The following KIF18A variants were observed in gnomAD, a reference collection of about 807,000 sequenced individuals.
KIF18A encodes kinesin family member 18A.
KIF18A carries 67 observed loss-of-function variants against 103.3 expected under a neutral mutation model. That is an observed-to-expected ratio of 0.65 (90% CI 0.53 to 0.79). The LOEUF (loss-of-function observed/expected upper bound fraction) is 0.79. Ranked by LOEUF, KIF18A falls within the 30% of genes least tolerant of loss-of-function variation. The pLI is 0.00. For missense variants in KIF18A, 1,032 were observed against 1,062.5 expected, an observed-to-expected ratio of 0.97 and a Z score of 0.40; for synonymous variants, 367 against 355.5, an observed-to-expected ratio of 1.03 and a Z score of -0.36.
At chr11:28,027,913 C>T (rs1405380897) in intron 15 of KIF18A, among the ~76,000 whole-genome samples, 1 of 151,874 alleles carries the variant, frequency 6.6e-6, no homozygotes, top group African/African-American at 2.4e-5. Flanking sequence ...AACTCCAGGC[C>T]AATATCCCTG....
At chr11:28,093,324 T>C (rs1256539453) in intron 3 of KIF18A, among the ~76,000 whole-genome samples, 1 of 152,278 alleles carries the variant, frequency 6.6e-6, no homozygotes, top group East Asian at 1.9e-4. Context: ...TAAGTTCTAA[T>C]GAAGAAATTT....
rs149816361 is a variant in KIF18A, at chr11:28,042,488, C to A, written c.1949-5824G>T. On this transcript the variant is annotated intron_variant, in intron 13 of 16. Transcript: ENST00000263181. ...TATTTTGTTAGTATAGCATTCAGTT[C>A]TTTAAAAAGGAGCCAATGCATTTTG... Among the ~76,000 whole-genome samples, 615 of 151,976 alleles carry A rather than the reference C, an allele frequency of 4.0e-3. 3 individuals carry two copies. Among genetic ancestry groups the A allele is most frequent in the Admixed American group, 6.5e-3 (99 of 15,204 alleles).
intron 4 of KIF18A, 59 bp downstream of exon 4, chr11:28,091,350 A>C: frequency 2.2e-6 from 2 of 892,450 alleles, no homozygotes; most frequent in Non-Finnish European, 3.6e-6. Flanking sequence ...TGGCTGGTGA[A>C]AATAGCTTAA....
intron 13 of KIF18A, among the ~76,000 whole-genome samples, chr11:28,056,450 G>A (rs554269942): frequency 6.6e-6 from 1 of 152,116 alleles, no homozygotes; most frequent in East Asian, 1.9e-4. Flanking sequence ...AAAGAGTAAA[G>A]GGCATAGACA....
rs768372525 is a variant in KIF18A at position 28,083,266 on chromosome 11, ATTG to A, written c.1075-26_1075-24del. 11 of 1,545,414 alleles carry A rather than the reference ATTG, an allele frequency of 7.1e-6. No homozygotes were observed. The African/African-American group carries it at 1.6e-4, about 22-fold the overall frequency. On this transcript the variant is annotated intron_variant, in intron 7 of 16. Transcript: ENST00000263181. ...CAACTGTTGAAAGATAGAAATTATG[ATTG>A]TTTATAGAGAGATAATAATCACAGA...
chr11:28,099,810 G>T (rs983886579), intron 1 of KIF18A, among the ~76,000 whole-genome samples: 1 of 152,130 alleles, frequency 6.6e-6, no homozygotes, highest in Non-Finnish European at 1.5e-5. Flanking sequence ...GCCATTAAAA[G>T]AACTTTGGCT....
At chr11:28,081,688 C>T (rs1447857220) in intron 9 of KIF18A, among the ~76,000 whole-genome samples, 1 of 152,140 alleles carries the variant, frequency 6.6e-6, no homozygotes, top group Non-Finnish European at 1.5e-5. Context: ...ACCCAGTCTG[C>T]AGCTCATGGA....
chr11:28,100,285 AAGAAAATAAAGGCTGTCCTC>A (rs140162136), intron 1 of KIF18A, among the ~76,000 whole-genome samples: 130 of 152,220 alleles, frequency 8.5e-4, no homozygotes, highest in African/African-American at 2.9e-3. Flanking sequence ...TTAAGAAAAT[AAGAAAATAAAGGCTGTCCTC>A]AGTCTTAATG....
At chr11:28,075,594 T>C (rs573903614) in intron 10 of KIF18A, among the ~76,000 whole-genome samples, 18 of 152,316 alleles carry the variant, frequency 1.2e-4, no homozygotes, top group African/African-American at 3.8e-4. Context: ...GATTCCTTTA[T>C]CTTTGTTCAT....
chr11:28,078,538 A>C (rs768281980), intron 9 of KIF18A, among the ~76,000 whole-genome samples: 11 of 152,154 alleles, frequency 7.2e-5, no homozygotes, highest in Non-Finnish European at 1.3e-4. Flanking sequence ...CTCCTTAACA[A>C]CACCAAAAAA....
At chr11:28,022,897 GA>G (rs936559853) in intron 16 of KIF18A, among the ~76,000 whole-genome samples, 2 of 152,078 alleles carry the variant, frequency 1.3e-5, no homozygotes, top group African/African-American at 2.4e-5. Flanking sequence ...GGCATCGACA[GA>G]AAAAAACTAA....
intron 10 of KIF18A, among the ~76,000 whole-genome samples, chr11:28,072,970 A>T (rs924230839): frequency 2.0e-5 from 3 of 152,126 alleles, no homozygotes; most frequent in Admixed American, 6.5e-5. Context: ...ATGGAACTCA[A>T]AGTTTTGATA....
intron 1 of KIF18A, among the ~76,000 whole-genome samples, chr11:28,107,196 C>A (rs888518852): frequency 8.5e-5 from 13 of 152,092 alleles, no homozygotes; most frequent in Non-Finnish European, 1.6e-4. Context: ...GGAGGCTAGA[C>A]GTGGTGGAAT....
intron 10 of KIF18A, among the ~76,000 whole-genome samples, chr11:28,073,786 A>G (rs961676435): frequency 2.6e-5 from 4 of 152,172 alleles, no homozygotes; most frequent in East Asian, 1.9e-4. Flanking sequence ...AAATAATTGA[A>G]GGACAAACAC....
intron 15 of KIF18A, among the ~76,000 whole-genome samples, chr11:28,027,189 T>G (rs867143117): frequency 1.3e-5 from 2 of 151,776 alleles, no homozygotes; most frequent in Non-Finnish European, 3.0e-5. Context: ...CTATAAACTT[T>G]TCTCCCCATA....
At chr11:28,021,432 C>T (rs146703682) in intron 16 of KIF18A, 150 bp from the exon 17 acceptor site, 9 of 740,460 alleles carry the variant, frequency 1.2e-5, no homozygotes, top group Middle Eastern at 4.6e-4. Flanking sequence ...AATATAACAA[C>T]AACAAAGAGA....
At chr11:28,079,336 A>AATT (rs1851132855) in intron 9 of KIF18A, among the ~76,000 whole-genome samples, 1 of 2,294 alleles carries the variant, frequency 4.4e-4, no homozygotes, top group Admixed American at 9.8e-3. Context: ...TAACAAAATG[A>AATT]AATAACAACA....
At chr11:28,097,519 A>T in intron 2 of KIF18A, 104 bp downstream of exon 2, 1 of 784,212 alleles carries the variant, frequency 1.3e-6, no homozygotes, top group Non-Finnish European at 2.2e-6. Context: ...TTTAGCATAC[A>T]AGCTCCTTAA....
intron 4 of KIF18A, 108 bp from the exon 5 acceptor site, chr11:28,090,835 T>C: frequency 1.6e-6 from 1 of 632,490 alleles, no homozygotes; most frequent in Non-Finnish European, 2.8e-6. Flanking sequence ...GAAAATGTTT[T>C]CTATAAATTC....
Sources: allele counts gnomAD v4.1 joint callset (sites outside exome capture counted in the v4.1 genomes callset), GRCh38; gene constraint gnomAD v4.1.1; transcripts MANE v1.5; gene names NCBI Gene and HGNC (gene_info 2026-07-23, HGNC 2026-07-21).